Variants in MDN1 observed in about 807,000 individuals in gnomAD.
MDN1 encodes midasin.
MDN1 carries 266 observed loss-of-function variants against 669.2 expected under a neutral mutation model. The ratio of observed to expected loss-of-function variants is 0.40; its 90% CI spans 0.36 to 0.44. The LOEUF (loss-of-function observed/expected upper bound fraction) is 0.44. MDN1 is among the 20% of genes least tolerant of loss of function. MDN1 has a pLI of 1.00. For synonymous variants in MDN1, 2,385 were observed against 2,457.1 expected (o/e 0.97, Z 0.87); for missense variants, 5,940 against 6,754.0 (o/e 0.88, Z 4.22).
intron 9 of MDN1, among the ~76,000 whole-genome samples, chr6:89,782,452 G>T (rs1818723076): frequency 1.3e-5 from 2 of 151,850 alleles, no homozygotes; most frequent in African/African-American, 4.8e-5. Flanking sequence ...GCTGGGCAGG[G>T]TGGCACACAC....
In MDN1 at chr6:89,713,221, C is replaced by T. The variant is rs776200774; in HGVS notation, c.7145G>A (p.Ser2382Asn). The T allele has an allele frequency of 3.0e-5, 49 of 1,614,040 alleles. No homozygotes were observed. Among genetic ancestry groups the T allele is most frequent in the Non-Finnish European group, 4.0e-5 (47 of 1,180,002 alleles). The change falls in exon 47 of 102, where the codon AGT (serine) becomes AAT (asparagine). Residue 2382 changes from serine to asparagine, a missense_variant. By Grantham distance (46) the Ser-to-Asn change is conservative. Transcript: ENST00000369393. The part of the protein sequence containing the change: ...LIVQYLQRGL[S>N]LDRAFSEACW... ...TGCTTCAGAAAAGGCTCTGTCTAAA[C>T]TCAGCCCTCGCTGCAGGTACTGGAC...
chr6:89,814,877 TC>T, intron 1 of MDN1: 1 of 496,572 alleles, frequency 2.0e-6, no homozygotes, highest in South Asian at 1.5e-5. Context: ...GACAGGTACC[TC>T]CTAGAAACCC....
intron 8 of MDN1, among the ~76,000 whole-genome samples, chr6:89,786,465 G>C (rs1158435978): frequency 1.3e-5 from 2 of 151,730 alleles, no homozygotes; most frequent in Admixed American, 6.6e-5. Flanking sequence ...TTTTTAGCCA[G>C]GCATGGTGGT....
chr6:89,745,382 C>T lies in MDN1; in HGVS notation c.4069G>A (p.Glu1357Lys). 6.2e-7 allele frequency: 1 copy of T among 1,614,054 alleles called. No homozygotes were observed. The highest frequency in any genetic ancestry group is 8.5e-7 in the Non-Finnish European group (1 of 1,179,980). ...GKLSTQISTL[E>K]CNFGHIVWTE... is the part of the protein sequence containing the mutation. ...CACACGATATGGCCAAAGTTACACT[C>T]CAATGTGGATATCTGAGTAGACAAT... is the stretch of plus-strand genomic sequence containing the variant. The change falls in exon 29 of 102, where the codon GAG becomes AAG. Residue 1357 changes from glutamate to lysine, a missense_variant. Physicochemically the swap from Glu to Lys is moderately conservative, Grantham distance 56. Around this residue, in one of 5 missense-constraint regions of MDN1, gnomAD observed 2,292 missense variants for 2,638.3 expected, o/e 0.87. Transcript: ENST00000369393.
At chr6:89,808,375 G>A (rs1768150411) in intron 1 of MDN1, among the ~76,000 whole-genome samples, 1 of 152,086 alleles carries the variant, frequency 6.6e-6, no homozygotes, top group South Asian at 2.1e-4. Flanking sequence ...AGTTTTGTTA[G>A]TATTGGTCTA....
chr6:89,658,747 CAG>C lies in MDN1; in HGVS notation c.14882_14883del (p.Ala4961GlyfsTer2), dbSNP rs1809511074. ...TGAGCAGCATCTCCATCTTGGTCAT[CAG>C]CTCCTGTGTCCATTTCCTCTTCCCC... is the stretch of plus-strand genomic sequence containing the variant. ...AEGEEEMDTG[A>X]DDQDGDAAQH... On this transcript the variant is annotated frameshift_variant, in exon 89 of 102. Coordinates refer to ENST00000369393, the MANE Select transcript of MDN1 (RefSeq NM_014611.3). LOFTEE classifies it high-confidence loss of function. The C allele has an allele frequency of 6.2e-7, 1 of 1,614,066 alleles. No individual in the cohort carries two copies. Among genetic ancestry groups the C allele is most frequent in the Non-Finnish European group, 8.5e-7 (1 of 1,180,038 alleles).
chr6:89,784,933 T>C, intron 9 of MDN1, 79 bp downstream of exon 9: 2 of 893,868 alleles, frequency 2.2e-6, no homozygotes, highest in African/African-American at 1.7e-5. Context: ...AGGGTTCTGG[T>C]GGTTTATTAT....
At chr6:89,685,110 A>C in intron 70 of MDN1, 125 bp from the exon 71 acceptor site, 2 of 597,756 alleles carry the variant, frequency 3.3e-6, no homozygotes, top group Non-Finnish European at 5.8e-6. Context: ...GATTACAGTG[A>C]GTTTCACAGG....
intron 11 of MDN1, among the ~76,000 whole-genome samples, chr6:89,777,413 T>C (rs142405075): frequency 2.0e-5 from 3 of 152,316 alleles, no homozygotes; most frequent in Non-Finnish European, 4.4e-5. Flanking sequence ...TTCCTAGGCA[T>C]AGGCCAAGCT....
intron 9 of MDN1, among the ~76,000 whole-genome samples, chr6:89,783,707 C>T (rs757216477): frequency 1.2e-4 from 19 of 152,142 alleles, no homozygotes; most frequent in South Asian, 4.1e-4. Context: ...GTGGGCATCA[C>T]GGTCCTACCA....
intron 15 of MDN1, among the ~76,000 whole-genome samples, chr6:89,766,559 C>G (rs922578857): frequency 6.6e-6 from 1 of 152,140 alleles, no homozygotes; most frequent in Non-Finnish European, 1.5e-5. Flanking sequence ...CAGAAAGGCA[C>G]CTTGGGAGCC....
At chr6:89,774,527 A>T in intron 13 of MDN1, 94 bp downstream of exon 13, 1 of 870,196 alleles carries the variant, frequency 1.1e-6, no homozygotes, top group Non-Finnish European at 1.9e-6. Flanking sequence ...CAGTTCAGAC[A>T]TGTGTTTTGC....
intron 15 of MDN1, among the ~76,000 whole-genome samples, chr6:89,770,893 AC>A (rs1310551185): frequency 6.6e-6 from 1 of 152,156 alleles, no homozygotes; most frequent in African/African-American, 2.4e-5. Flanking sequence ...CCATCATATG[AC>A]CTTTGAGAAC....
intron 3 of MDN1, 54 bp from the exon 4 acceptor site, chr6:89,794,261 A>G (rs1206189007): frequency 1.9e-6 from 2 of 1,026,420 alleles, no homozygotes; most frequent in Middle Eastern, 2.4e-4. Context: ...ATAATAAAGA[A>G]TAAATAAAAT....
Position 89,753,546 on chromosome 6 carries a change from A to C in MDN1, c.3041T>G (p.Ile1014Ser), listed in dbSNP as rs1476441254. The change falls in exon 22 of 102, where the codon ATT becomes AGT. Residue 1014 changes from isoleucine to serine, a missense_variant. Ile to Ser is a moderately radical substitution (Grantham distance 142). This residue lies in a region of MDN1 where 1,203 missense variants were observed against 1,268.9 expected (regional missense o/e 0.95). Transcript: ENST00000369393. Reference protein sequence around the residue: ...PIVQKLICQHIVPGNVKSLLK... With the variant: ...PIVQKLICQHSVPGNVKSLLK... ...CAGACTCTTGACATTGCCAGGGACA[A>C]TGTGTTGACAGATGAGCTTCTGAAC... The C allele has an allele frequency of 1.2e-6, 2 of 1,613,402 alleles. No homozygotes were observed. The highest frequency in any genetic ancestry group is 1.7e-6 in the Non-Finnish European group (2 of 1,179,338).
chr6:89,739,143 G>A (rs1300500473), intron 32 of MDN1, among the ~76,000 whole-genome samples: 2 of 152,172 alleles, frequency 1.3e-5, no homozygotes, highest in South Asian at 2.1e-4. Flanking sequence ...AAGCATACGT[G>A]TGTGTACCTC....
Position 89,674,358 on chromosome 6 carries a change from G to T in MDN1, c.12993C>A (p.Gly4331=). The part of the protein sequence containing the change: ...GNVQVLGQPP[G]PCLEGPELSK... ...TAAGTTCTGGTCCTTCCAGGCAGGG[G>T]CCAGGAGGCTGCCCCAGTACCTGGA... The change falls in exon 79 of 102, where the codon GGC becomes GGA. Residue 4331 remains glycine (G), a synonymous_variant. Transcript: ENST00000369393. 2.5e-6 allele frequency: 4 copies of T among 1,614,232 alleles called. No individual in the cohort carries two copies. Among genetic ancestry groups the T allele is most frequent in the East Asian group, 2.2e-5 (1 of 44,882 alleles).
chr6:89,770,129 G>C (rs2128322372), intron 15 of MDN1, among the ~76,000 whole-genome samples: 1 of 152,034 alleles, frequency 6.6e-6, no homozygotes, highest in Non-Finnish European at 1.5e-5. Flanking sequence ...TAAGAGGCCG[G>C]GTGCAGTGGC....
rs1451924219 is a variant in MDN1 at position 89,710,619 on chromosome 6, C to G, written c.7765+62G>C. 7.4e-6 allele frequency: 7 copies of G among 950,960 alleles called. No homozygotes were observed. In the East Asian group the frequency reaches 2.1e-4, roughly 29 times the overall value. The allele number at this position is 950,960 out of a possible 1,614,324, so 58.9% of individuals were successfully genotyped here. A position where few individuals can be genotyped will look rare whatever the true frequency, so the allele number is the denominator to read the frequency against. On this transcript the variant is annotated intron_variant, in intron 50 of 101. Transcript: ENST00000369393. ...ACCTCTAACAGGTCAGATCTTTTCC[C>G]CATAAAGTCAAAAGATAAGTTTCCA...
Sources: allele counts gnomAD v4.1 joint callset (sites outside exome capture counted in the v4.1 genomes callset), GRCh38; gene constraint gnomAD v4.1.1; regional missense constraint gnomAD v4.1.1; transcripts MANE v1.5; gene names NCBI Gene and HGNC (gene_info 2026-07-23, HGNC 2026-07-21).